The following NFATC2 variants were observed in gnomAD, a reference collection of about 807,000 sequenced individuals.
NFATC2 encodes nuclear factor of activated T cells 2, also known as nuclear factor of activated T-cells, cytoplasmic 2.
Under a neutral mutation model 87.3 loss-of-function variants are expected in NFATC2, and 22 were observed. The observed-to-expected ratio is 0.25, with a 90% CI of 0.18 to 0.36. The LOEUF is 0.36. Among genes scored for constraint, NFATC2 ranks in the 10% least tolerant of loss-of-function variants. The pLI, the probability that NFATC2 is intolerant of heterozygous loss-of-function variation, is 1.00. For missense variants in NFATC2, 1,149 were observed against 1,259.1 expected (o/e 0.91, Z 1.32); for synonymous variants, 565 against 542.2 (o/e 1.04, Z -0.58).
At chr20:51,407,478 G>A (rs541591613) in intron 9 of NFATC2, among the ~76,000 whole-genome samples, 88 of 152,322 alleles carry the variant, frequency 5.8e-4, no homozygotes, top group African/African-American at 1.9e-3. Flanking sequence ...TATGGCTTCC[G>A]GGTATTGGCA....
At chr20:51,406,595 T>C (rs1016468310) in intron 9 of NFATC2, among the ~76,000 whole-genome samples, 3 of 152,110 alleles carry the variant, frequency 2.0e-5, no homozygotes, top group African/African-American at 2.4e-5. Flanking sequence ...CTTGCTTCCA[T>C]TGGCAATGTT....
At chr20:51,544,364 T>C (rs1240562763), upstream of NFATC2, among the ~76,000 whole-genome samples, 8 of 152,262 alleles carry the variant, frequency 5.3e-5, no homozygotes, top group African/African-American at 1.9e-4. Context: ...GGAGAGGTCT[T>C]AAGATCCTCG....
At chr20:51,393,322 C>A (rs1279261651) in intron 10 of NFATC2, among the ~76,000 whole-genome samples, 2 of 152,028 alleles carry the variant, frequency 1.3e-5, no homozygotes, top group African/African-American at 4.8e-5. Flanking sequence ...ATATTACCTC[C>A]CAGGTTGCTG....
chr20:51,464,622 T>C (rs1987490043), intron 5 of NFATC2, among the ~76,000 whole-genome samples: 1 of 151,584 alleles, frequency 6.6e-6, no homozygotes, highest in Non-Finnish European at 1.5e-5. Context: ...TCATCCAAGA[T>C]TTACCACTAC....
At chr20:51,515,030 T>C (rs2076329779) in intron 3 of NFATC2, among the ~76,000 whole-genome samples, 1 of 152,156 alleles carries the variant, frequency 6.6e-6, no homozygotes, top group African/African-American at 2.4e-5. Flanking sequence ...GTGCAGGAAG[T>C]AGCATCTGAG....
chr20:51,431,962 G>T, intron 9 of NFATC2, 105 bp downstream of exon 9: 3 of 1,222,888 alleles, frequency 2.5e-6, no homozygotes, highest in South Asian at 3.7e-5. Context: ...GGGACACTGA[G>T]GCCCAAAGAG....
intron 10 of NFATC2, among the ~76,000 whole-genome samples, chr20:51,397,322 C>A (rs6063648): frequency 1.3e-5 from 2 of 152,194 alleles, no homozygotes; most frequent in African/African-American, 2.4e-5. Context: ...TTGAGTGAGG[C>A]TCAGTGAAAA....
At position 51,399,113 on chromosome 20, in the gene NFATC2, C is replaced by T. The variant is rs1432436929; in HGVS notation, c.2723-383G>A. ...AAATCAGAATTTCATTAAAGATCTA[C>T]TCAACTGTTATCTTCCTTCAGGCAT... On this transcript the variant is annotated intron_variant, in intron 9 of 10. Coordinates refer to ENST00000371564, the MANE Select transcript of NFATC2 (RefSeq NM_012340.5). The T allele has an allele frequency of 2.8e-5, 5 of 180,286 alleles. No homozygotes were observed. In the South Asian group the frequency reaches 4.2e-4, roughly 15 times the overall value. The allele number at this position is 180,286 out of a possible 1,614,324, so 11.2% of individuals were successfully genotyped here. A position where few individuals can be genotyped will look rare whatever the true frequency, so the allele number is the denominator to read the frequency against.
intron 9 of NFATC2, among the ~76,000 whole-genome samples, chr20:51,404,793 T>A (rs1296174787): frequency 1.3e-5 from 2 of 152,194 alleles, no homozygotes; most frequent in African/African-American, 4.8e-5. Context: ...TGCGCCCTAG[T>A]GTGCGCAGAC....
intron 9 of NFATC2, among the ~76,000 whole-genome samples, chr20:51,429,332 G>A (rs927384490): frequency 3.3e-5 from 5 of 152,334 alleles, no homozygotes; most frequent in South Asian, 4.1e-4. Flanking sequence ...AGACAAGGCC[G>A]GTGGAGCACT....
chr20:51,520,142 A>G (rs1339233912), intron 2 of NFATC2, among the ~76,000 whole-genome samples: 1 of 152,152 alleles, frequency 6.6e-6, no homozygotes, highest in Non-Finnish European at 1.5e-5. Flanking sequence ...GACACTCAAA[A>G]CCTCTCTGAT....
intron 6 of NFATC2, among the ~76,000 whole-genome samples, chr20:51,437,129 A>C (rs1414890110): frequency 7.1e-6 from 1 of 141,518 alleles, no homozygotes; most frequent in Non-Finnish European, 1.6e-5. Flanking sequence ...AAAAAAAAAA[A>C]AACCCTGCAT....
chr20:51,453,218 C>G (rs1450061421), intron 6 of NFATC2, among the ~76,000 whole-genome samples: 1 of 152,244 alleles, frequency 6.6e-6, no homozygotes. Flanking sequence ...CCAGCCCATC[C>G]CAGAAGGATG....
chr20:51,531,715 A>C (rs1029373729), intron 1 of NFATC2, among the ~76,000 whole-genome samples: 1 of 152,216 alleles, frequency 6.6e-6, no homozygotes, highest in Non-Finnish European at 1.5e-5. Flanking sequence ...TGCAAAGCCC[A>C]AGACACACAG....
At chr20:51,478,109 A>T (rs1988915879) in intron 3 of NFATC2, among the ~76,000 whole-genome samples, 1 of 152,160 alleles carries the variant, frequency 6.6e-6, no homozygotes, top group African/African-American at 2.4e-5. Context: ...ACTGTGCTAG[A>T]TGATCACCTT....
chr20:51,402,560 A>G (rs551016982), intron 9 of NFATC2, among the ~76,000 whole-genome samples: 11 of 152,206 alleles, frequency 7.2e-5, no homozygotes, highest in African/African-American at 2.4e-4. Flanking sequence ...CAAACCCACA[A>G]ATCAGCCTGT....
rs1427206835 is a variant in NFATC2 at position 51,562,259 on chromosome 20, C to T, written c.70+301G>A. On this transcript the variant is annotated intron_variant, in intron 1 of 10. Coordinates refer to the NFATC2 transcript ENST00000414705. This position sits in a 1 kb window ranked among gnomAD's most constrained non-coding sequence, Gnocchi z 5.8. ...CCAGCGGTTAGTAGCGAGAATCCCT[C>T]CCGGTGTCCCGTGGAGAGGAAAATC... Among the ~76,000 whole-genome samples, 1 of 152,254 alleles carries T rather than the reference C, an allele frequency of 6.6e-6. No individual in the cohort carries two copies. The highest frequency in any genetic ancestry group is 2.4e-5 in the African/African-American group (1 of 41,476).
At position 51,389,600 on chromosome 20, in the gene NFATC2, A is replaced by T. The variant is rs1330971061; in HGVS notation, c.*1896T>A. The T allele has an allele frequency of 6.6e-6, 1 of 151,972 alleles. No homozygotes were observed. Among genetic ancestry groups the T allele is most frequent in the Non-Finnish European group, 1.5e-5 (1 of 67,996 alleles). 9.4% of individuals were successfully genotyped at this position (151,972 alleles called of 1,614,324 possible). Reference sequence around the variant, plus strand: ...TTTATTTAAAAGAGAATTTTGCTAAACTCTTTGAGCTTAGGGTGGGTGAGG... The same window carrying T: ...TTTATTTAAAAGAGAATTTTGCTAATCTCTTTGAGCTTAGGGTGGGTGAGG... On this transcript the variant is annotated 3_prime_UTR_variant, in exon 11 of 11. Transcript: ENST00000371564.
intron 9 of NFATC2, among the ~76,000 whole-genome samples, chr20:51,407,880 T>C (rs6063650): frequency 0.92 from 140,632 of 152,318 alleles, 65,072 homozygotes; most frequent in African/African-American, 0.98. Flanking sequence ...TTATTTCATA[T>C]GCCAACTGGG....
Sources: gnomAD v4.1 joint callset for allele counts (sites outside exome capture counted in the v4.1 genomes callset) on GRCh38, gnomAD v4.1.1 for gene constraint, Gnocchi (gnomAD v3.1) non-coding constraint, MANE v1.5 for transcripts, NCBI Gene and HGNC (gene_info 2026-07-23, HGNC 2026-07-21) for gene names.